FDPS: variants seen among roughly 807,000 people sequenced by gnomAD.
FDPS encodes the protein farnesyl diphosphate synthase.
A neutral mutation model predicts 49.5 loss-of-function variants in FDPS; 29 were observed. The ratio of observed to expected loss-of-function variants is 0.59; its 90% CI spans 0.44 to 0.80. The LOEUF (loss-of-function observed/expected upper bound fraction) is 0.80. Among genes scored for constraint, FDPS ranks in the 30% least tolerant of loss-of-function variants. The pLI, the probability that FDPS is intolerant of heterozygous loss-of-function variation, is 0.00. For missense variants in FDPS, 414 were observed against 525.6 expected (o/e 0.79, Z 2.08); for synonymous variants, 172 against 206.4 (o/e 0.83, Z 1.43).
intron 1 of FDPS, 102 bp downstream of exon 1, chr1:155,309,067 C>G (rs1020536677): frequency 6.6e-6 from 1 of 152,404 alleles, no homozygotes; most frequent in African/African-American, 2.4e-5. Flanking sequence ...CTGTTGTGTC[C>G]GTTTTGAAGG....
chr1:155,320,189 G>A (rs1650171953), intron 10 of FDPS: 2 of 643,914 alleles, frequency 3.1e-6, no homozygotes, highest in Admixed American at 5.8e-5. Flanking sequence ...GTGCCAAGGT[G>A]GAGAAACCCT....
At position 155,309,881 on chromosome 1, in the gene FDPS, G is replaced by A. The variant is rs201810668; in HGVS notation, c.92G>A (p.Arg31Gln). Reference sequence around the variant, plus strand: ...CGGGAGAGGTGGCTGGGTTCCCTACGGCGGCCCTCCCTGGTGCACGGGTAC... The same window carrying A: ...CGGGAGAGGTGGCTGGGTTCCCTACAGCGGCCCTCCCTGGTGCACGGGTAC... The part of the protein sequence containing the change: ...APRERWLGSL[R>Q]RPSLVHGYPV... Residue 31 changes from arginine to glutamine, a missense_variant, in exon 2 of 11, where the codon CGG becomes CAG. Arg to Gln is a conservative substitution (Grantham distance 43). Coordinates refer to ENST00000368356, the MANE Select transcript of FDPS (RefSeq NM_002004.4). 54 of 1,591,842 alleles carry A rather than the reference G, an allele frequency of 3.4e-5. 1 individual carries two copies. Among genetic ancestry groups the A allele is most frequent in the African/African-American group, 2.0e-4 (15 of 74,706 alleles).
At chr1:155,314,188 ATTT>A (rs34299252) in intron 4 of FDPS, among the ~76,000 whole-genome samples, 3 of 140,998 alleles carry the variant, frequency 2.1e-5, no homozygotes, top group Admixed American at 1.4e-4. Context: ...AAAATTTTTA[ATTT>A]TTTTTTTTTT....
rs778653025 is a variant in FDPS, at chr1:155,312,338, G to A, written c.423G>A (p.Arg141=). ...VVAFRELVEP[R]KQDADSLQRA... ...CATTCCGGGAGCTGGTGGAGCCAAG[G>A]AAACAGGATGCTGATAGTCTCCAGC... The change falls in exon 4 of 11, where the codon AGG becomes AGA. Residue 141 remains arginine, a synonymous_variant. Transcript: ENST00000368356. The A allele has an allele frequency of 3.1e-6, 5 of 1,613,520 alleles. No individual in the cohort carries two copies. In the East Asian group the frequency reaches 1.1e-4, roughly 36 times the overall value.
In FDPS at chr1:155,314,302, C is replaced by A. The variant is rs187790604; in HGVS notation, c.480+1907C>A. Among the ~76,000 whole-genome samples the A allele has an allele frequency of 2.2e-4, 33 of 152,064 alleles. No individual in the cohort carries two copies. In the East Asian group the frequency reaches 6.4e-3, roughly 29 times the overall value. Reference sequence around the variant, plus strand: ...TGGAGCGGAAGCCACCCTTCCACCGCCTCAGCCTCCCAAGTAGCTGAGACT... The same window carrying A: ...TGGAGCGGAAGCCACCCTTCCACCGACTCAGCCTCCCAAGTAGCTGAGACT... On this transcript the variant is annotated intron_variant, in intron 4 of 10. Coordinates refer to ENST00000368356, the MANE Select transcript of FDPS (RefSeq NM_002004.4).
Position 155,318,110 on chromosome 1 carries a change from GCT to G in FDPS, c.562-56_562-55del, listed in dbSNP as rs1382653011. ...GCCTGGTTGAGGTGTTGGGGTGATG[GCT>G]CTTAGTATGAACCGAGACTAGAGAT... On this transcript the variant is annotated intron_variant, in intron 5 of 10. Coordinates refer to ENST00000368356, the MANE Select transcript of FDPS (RefSeq NM_002004.4). This position sits in a 1 kb window ranked among gnomAD's most constrained non-coding sequence, Gnocchi z 4.2. The G allele has an allele frequency of 1.2e-6, 2 of 1,613,286 alleles. No homozygotes were observed. Among genetic ancestry groups the G allele is most frequent in the African/African-American group, 1.3e-5 (1 of 74,908 alleles).
chr1:155,319,541 A>C, intron 8 of FDPS, 70 bp from the exon 9 acceptor site: 1 of 1,533,658 alleles, frequency 6.5e-7, no homozygotes, highest in Middle Eastern at 2.3e-4. Context: ...GCAAGACCCC[A>C]TGGGAGGAAG....
At chr1:155,319,499 AAG>A (rs1194482603) in intron 8 of FDPS, 110 bp from the exon 9 acceptor site, 1 of 1,084,906 alleles carries the variant, frequency 9.2e-7, no homozygotes, top group Non-Finnish European at 1.4e-6. Context: ...AAGATGTCTG[AAG>A]AGAGAGGAAA....
intron 4 of FDPS, among the ~76,000 whole-genome samples, chr1:155,316,396 T>G (rs1649412504): frequency 6.6e-6 from 1 of 152,126 alleles, no homozygotes; most frequent in African/African-American, 2.4e-5. Flanking sequence ...GACAGGAGGA[T>G]CACTTGAGCC....
Position 155,309,696 on chromosome 1 carries a change from T to A in FDPS, c.-1-93T>A. 4 of 1,157,318 alleles carry A rather than the reference T, an allele frequency of 3.5e-6. No homozygotes were observed. In the South Asian group the frequency reaches 7.4e-5, roughly 22 times the overall value. The allele number at this position is 1,157,318 out of a possible 1,614,324, so 71.7% of individuals were successfully genotyped here. On this transcript the variant is annotated intron_variant, in intron 1 of 10. Coordinates refer to ENST00000368356, the MANE Select transcript of FDPS (RefSeq NM_002004.4). ...GGGGCACTCTGGGCTAAGGCTGGGGTGGGAGTTATCTGGGGAGCTGCCACC... is the reference window on the plus strand; with the variant it reads ...GGGGCACTCTGGGCTAAGGCTGGGGAGGGAGTTATCTGGGGAGCTGCCACC...
At position 155,318,891 on chromosome 1, in the gene FDPS, ACTC is replaced by A. The variant is rs777084112; in HGVS notation, c.812_814del (p.Ser271del). On this transcript the variant is annotated inframe_deletion, in exon 8 of 11. Coordinates refer to ENST00000368356, the MANE Select transcript of FDPS (RefSeq NM_002004.4). This position sits in a 1 kb window ranked among gnomAD's most constrained non-coding sequence, Gnocchi z 4.2. The stretch of plus-strand genomic sequence containing the variant: ...ATTGTCAAGTACAAGACAGCTTTCT[ACTC>A]CTTCTACCTTCCTATAGCTGCAGCC... The A allele has an allele frequency of 3.7e-6, 6 of 1,612,990 alleles. No individual in the cohort carries two copies. The highest frequency in any genetic ancestry group is 1.7e-5 in the Admixed American group (1 of 59,944).
Position 155,320,520 on chromosome 1 carries a change from A to C in FDPS, c.1171A>C (p.Ile391Leu). The change falls in exon 11 of 11, where the codon ATT becomes CTT. Residue 391 changes from isoleucine to leucine, a missense_variant. Physicochemically the swap from Ile to Leu is conservative, Grantham distance 5. Coordinates refer to ENST00000368356, the MANE Select transcript of FDPS (RefSeq NM_002004.4). ...ATATGAGGAAGACAGTTACAGCCAC[A>C]TTATGGCTCTCATTGAACAGTACGC... ...LQYEEDSYSH[I>L]MALIEQYAAP... 6.2e-7 allele frequency: 1 copy of C among 1,614,164 alleles called. No homozygotes were observed. Among genetic ancestry groups the C allele is most frequent in the Non-Finnish European group, 8.5e-7 (1 of 1,180,038 alleles).
At position 155,318,270 on chromosome 1, in the gene FDPS, C is replaced by T. The variant is rs200882662; in HGVS notation, c.663C>T (p.Asn221=). Residue 221 remains asparagine, a synonymous_variant, in exon 6 of 11, where the codon AAC becomes AAT. Transcript: ENST00000368356. This position sits in a 1 kb window ranked among gnomAD's most constrained non-coding sequence, Gnocchi z 4.2. ...GCCGGGAGCAGCCCTATTACCTGAACCTGATCGAGCTCTTCCTGCAGGTGT... is the reference window on the plus strand; with the variant it reads ...GCCGGGAGCAGCCCTATTACCTGAATCTGATCGAGCTCTTCCTGCAGGTGT... ...LYCREQPYYL[N]LIELFLQSSY... is the part of the protein sequence containing the mutation. 6.2e-7 allele frequency: 1 copy of T among 1,612,724 alleles called. No individual in the cohort carries two copies. Among genetic ancestry groups the T allele is most frequent in the Non-Finnish European group, 8.5e-7 (1 of 1,180,042 alleles).
Position 155,310,063 on chromosome 1 carries a change from G to A in FDPS, c.197G>A (p.Arg66Lys), listed in dbSNP as rs868008754. 3.7e-6 allele frequency: 6 copies of A among 1,613,754 alleles called. No homozygotes were observed. The highest frequency in any genetic ancestry group is 5.1e-6 in the Non-Finnish European group (6 of 1,180,022). Residue 66 changes from arginine (R) to lysine (K), a missense_variant, in exon 3 of 11, where the codon AGA becomes AAA. By Grantham distance (26) the Arg-to-Lys change is conservative. Transcript: ENST00000368356. ...CTTAGAGCCCTTTGCTCCTCCCTCA[G>A]AATGAACGGAGACCAGAATTCAGAT... ...EEPRALCSSLRMNGDQNSDVY... is the reference protein window; with the variant it reads ...EEPRALCSSLKMNGDQNSDVY...
Position 155,318,647 on chromosome 1 carries a change from C to T in FDPS, c.685-18C>T, listed in dbSNP as rs146335581. ...TCTGGAGAAAGCCTGGCTCATGGAC[C>T]GTCTTTGTCTTGCTTAGAGTTCCTA... On this transcript the variant is annotated intron_variant, in intron 6 of 10. Transcript: ENST00000368356. This position sits in a 1 kb window ranked among gnomAD's most constrained non-coding sequence, Gnocchi z 4.2. The T allele has an allele frequency of 7.3e-5, 115 of 1,585,860 alleles. No homozygotes were observed. In the African/African-American group the frequency reaches 1.3e-3, roughly 19 times the overall value.
chr1:155,318,504 G>A lies in FDPS; in HGVS notation c.685-161G>A. 1 of 811,812 alleles carries A rather than the reference G, an allele frequency of 1.2e-6. No homozygotes were observed. Among genetic ancestry groups the A allele is most frequent in the Non-Finnish European group, 2.0e-6 (1 of 492,890 alleles). The allele number at this position is 811,812 out of a possible 1,614,324, so 50.3% of individuals were successfully genotyped here. A position where few individuals can be genotyped will look rare whatever the true frequency, so the allele number is the denominator to read the frequency against. ...TTGGAAGAAAGGGTGATAAAGGACT[G>A]TGTGTATGAATATGGGCCTTAAGTT... On this transcript the variant is annotated intron_variant, in intron 6 of 10. Coordinates refer to ENST00000368356, the MANE Select transcript of FDPS (RefSeq NM_002004.4). The surrounding 1 kb of genome is among the most constrained non-coding windows in gnomAD (Gnocchi z 4.2).
At chr1:155,313,169 C>T (rs1339446334) in intron 4 of FDPS, among the ~76,000 whole-genome samples, 1 of 152,192 alleles carries the variant, frequency 6.6e-6, no homozygotes, top group African/African-American at 2.4e-5. Context: ...GATTTGGGTC[C>T]ATGTTCCCGC....
Position 155,318,069 on chromosome 1 carries a change from G to C in FDPS, c.561+48G>C. 3 of 1,610,364 alleles carry C rather than the reference G, an allele frequency of 1.9e-6. No homozygotes were observed. The highest frequency in any genetic ancestry group is 2.5e-6 in the Non-Finnish European group (3 of 1,176,638). On this transcript the variant is annotated intron_variant, in intron 5 of 10. Transcript: ENST00000368356. The surrounding 1 kb of genome is among the most constrained non-coding windows in gnomAD (Gnocchi z 4.2). ...AGTGGGTATGGGGACAGGCCACAGG[G>C]AGGTGGTTATATATGGCCTGGTTGA...
intron 10 of FDPS, 104 bp downstream of exon 10, chr1:155,320,032 A>T: frequency 7.3e-7 from 1 of 1,365,488 alleles, no homozygotes; most frequent in Non-Finnish European, 1.0e-6. Context: ...TGGCAATGTC[A>T]GCAGACATTT....
Sources: allele counts gnomAD v4.1 joint callset (sites outside exome capture counted in the v4.1 genomes callset), GRCh38; gene constraint gnomAD v4.1.1; non-coding constraint Gnocchi (gnomAD v3.1); transcripts MANE v1.5; gene names NCBI Gene and HGNC (gene_info 2026-07-23, HGNC 2026-07-21).